Variants in PTPRD observed in about 807,000 individuals in gnomAD.
PTPRD encodes the protein protein tyrosine phosphatase receptor type D.
A neutral mutation model predicts 214.5 loss-of-function variants in PTPRD; 34 were observed. The ratio of observed to expected loss-of-function variants is 0.16; its 90% CI spans 0.12 to 0.21. PTPRD has a LOEUF of 0.21. Among genes scored for constraint, PTPRD ranks in the 10% least tolerant of loss-of-function variants. The probability of loss-of-function intolerance (pLI) is 1.00; values close to 1 mark genes in which losing one functional copy is unlikely to be tolerated. For synonymous variants in PTPRD, 1,128 were observed against 845.7 expected (o/e 1.33, Z -5.79); for missense variants, 2,545 against 2,398.7 (o/e 1.06, Z -1.27).
chr9:9,103,619 A>C (rs1380232685), intron 10 of PTPRD, among the ~76,000 whole-genome samples: 2 of 152,150 alleles, frequency 1.3e-5, no homozygotes, highest in Non-Finnish European at 2.9e-5. Context: ...CCATAAGAAA[A>C]AAAAAAATCA....
At chr9:8,982,434 C>T (rs929932116) in intron 11 of PTPRD, among the ~76,000 whole-genome samples, 2 of 151,760 alleles carry the variant, frequency 1.3e-5, no homozygotes, top group Non-Finnish European at 2.9e-5. Context: ...TAAGCGAATG[C>T]TTCCCCAGCA....
At chr9:9,327,141 T>C (rs913662939) in intron 9 of PTPRD, among the ~76,000 whole-genome samples, 1 of 152,166 alleles carries the variant, frequency 6.6e-6, no homozygotes, top group African/African-American at 2.4e-5. Flanking sequence ...TCTACTGAAA[T>C]TCTTGGTAAA....
At chr9:10,318,643 C>T (rs530924838) in intron 3 of PTPRD, among the ~76,000 whole-genome samples, 1 of 152,098 alleles carries the variant, frequency 6.6e-6, no homozygotes, top group South Asian at 2.1e-4. Context: ...GACAGGGTCT[C>T]ACTCTATCAC....
chr9:9,349,474 G>T (rs1283002434), intron 9 of PTPRD, among the ~76,000 whole-genome samples: 4 of 151,966 alleles, frequency 2.6e-5, no homozygotes, highest in African/African-American at 9.7e-5. Context: ...CAGGTAAAGT[G>T]ATATAGAAGT....
chr9:8,954,445 A>T (rs899968391), intron 11 of PTPRD, among the ~76,000 whole-genome samples: 1 of 151,898 alleles, frequency 6.6e-6, no homozygotes, highest in Non-Finnish European at 1.5e-5. Flanking sequence ...TCAGCATCAC[A>T]AAATATACCT....
chr9:9,833,365 GGGGA>G (rs1456523771), intron 5 of PTPRD, among the ~76,000 whole-genome samples: 1 of 151,942 alleles, frequency 6.6e-6, no homozygotes, highest in Non-Finnish European at 1.5e-5. Flanking sequence ...AGTTTCAAAA[GGGGA>G]GGGAGTATAC....
At chr9:9,770,719 C>T (rs1379981401) in intron 5 of PTPRD, among the ~76,000 whole-genome samples, 1 of 151,884 alleles carries the variant, frequency 6.6e-6, no homozygotes, top group East Asian at 1.9e-4. Flanking sequence ...TGATTGCTTC[C>T]AAGTATATTC....
At chr9:9,947,599 ATATATATT>A (rs2092942542) in intron 4 of PTPRD, among the ~76,000 whole-genome samples, 1 of 60,998 alleles carries the variant, frequency 1.6e-5, no homozygotes, top group Non-Finnish European at 2.9e-5. Context: ...TATATATAAT[ATATATATT>A]TTATATATAT....
rs2133475065 is a variant in PTPRD at position 8,449,830 on chromosome 9, C to T, written c.3883G>A (p.Ala1295Thr). ...IAILLYKRKR[A>T]ESDSRKSSIP... ...CTGCTTTTTCTAGAGTCGGACTCTGCCCTCTTCCTATAGGGGGAAAATAGA... is the reference window on the plus strand; with the variant it reads ...CTGCTTTTTCTAGAGTCGGACTCTGTCCTCTTCCTATAGGGGGAAAATAGA... Residue 1295 changes from alanine (A) to threonine (T), a missense_variant, in exon 34 of 46, where the codon GCA becomes ACA. Transcript: ENST00000381196. The T allele has an allele frequency of 6.2e-7, 1 of 1,613,706 alleles. No individual in the cohort carries two copies. The highest frequency in any genetic ancestry group is 2.2e-5 in the East Asian group (1 of 44,872).
At chr9:8,754,069 C>T (rs112172778) in intron 11 of PTPRD, among the ~76,000 whole-genome samples, 7,807 of 152,070 alleles carry the variant, frequency 0.051, 483 homozygotes, top group African/African-American at 0.15. Flanking sequence ...CACTTGAAAT[C>T]GGGAGGCAGA....
intron 7 of PTPRD, among the ~76,000 whole-genome samples, chr9:9,695,164 T>C (rs971342572): frequency 2.6e-5 from 4 of 152,086 alleles, no homozygotes; most frequent in African/African-American, 9.7e-5. Flanking sequence ...GGCTCTTTAG[T>C]CAGAAGTCGA....
chr9:10,002,513 T>C (rs959805272), intron 4 of PTPRD, among the ~76,000 whole-genome samples: 1 of 150,944 alleles, frequency 6.6e-6, no homozygotes, highest in Non-Finnish European at 1.5e-5. Flanking sequence ...TGAAAACTGT[T>C]ACCAAAAGAA....
chr9:8,953,363 A>G (rs2099113787), intron 11 of PTPRD, among the ~76,000 whole-genome samples: 1 of 151,994 alleles, frequency 6.6e-6, no homozygotes, highest in Non-Finnish European at 1.5e-5. Context: ...TTAACTAAGG[A>G]TGGATTAAAG....
At chr9:9,806,992 C>A (rs2045657331) in intron 5 of PTPRD, among the ~76,000 whole-genome samples, 1 of 152,092 alleles carries the variant, frequency 6.6e-6, no homozygotes, top group Admixed American at 6.6e-5. Flanking sequence ...AACCTCAGAA[C>A]AAAGACAATA....
intron 2 of PTPRD, among the ~76,000 whole-genome samples, chr9:10,487,697 T>G (rs1332078069): frequency 6.7e-6 from 1 of 149,414 alleles, no homozygotes. Flanking sequence ...TAACAGGGCC[T>G]GTTGGGGGGT....
intron 10 of PTPRD, among the ~76,000 whole-genome samples, chr9:9,053,525 C>G (rs947790402): frequency 1.3e-5 from 2 of 151,988 alleles, no homozygotes; most frequent in African/African-American, 4.8e-5. Context: ...AAAGAAGATA[C>G]TTATACAAAA....
chr9:10,566,239 A>G (rs2065569165), intron 2 of PTPRD, among the ~76,000 whole-genome samples: 2 of 152,072 alleles, frequency 1.3e-5, no homozygotes, highest in Non-Finnish European at 2.9e-5. Context: ...ATATATTCAT[A>G]TATGTATATT....
chr9:9,176,654 T>G (rs2099925074), intron 10 of PTPRD, among the ~76,000 whole-genome samples: 1 of 152,136 alleles, frequency 6.6e-6, no homozygotes, highest in African/African-American at 2.4e-5. Context: ...GCTGTTATAG[T>G]AGAAGTGGTT....
intron 14 of PTPRD, among the ~76,000 whole-genome samples, chr9:8,596,281 T>C (rs1307711494): frequency 2.6e-5 from 4 of 152,010 alleles, no homozygotes; most frequent in African/African-American, 9.7e-5. Flanking sequence ...TATATGGATA[T>C]ATGGATTATA....
Sources: allele counts gnomAD v4.1 joint callset (sites outside exome capture counted in the v4.1 genomes callset), GRCh38; gene constraint gnomAD v4.1.1; transcripts MANE v1.5; gene names NCBI Gene and HGNC (gene_info 2026-07-23, HGNC 2026-07-21).